FAM184B: variants seen among roughly 807,000 people sequenced by gnomAD.
FAM184B encodes protein FAM184B.
FAM184B carries 111 observed loss-of-function variants against 135.9 expected under a neutral mutation model. The observed-to-expected ratio is 0.82, with a 90% CI of 0.70 to 0.96. FAM184B has a LOEUF of 0.96. Among genes scored for constraint, FAM184B ranks in the 40% least tolerant of loss-of-function variants. The probability of loss-of-function intolerance (pLI) is 0.00; values close to 1 mark genes in which losing one functional copy is unlikely to be tolerated. For missense variants in FAM184B, 1,375 were observed against 1,323.9 expected, an observed-to-expected ratio of 1.04 and a Z score of -0.60; for synonymous variants, 552 against 524.8, an observed-to-expected ratio of 1.05 and a Z score of -0.71.
chr4:17,751,714 G>GACCAACTTCTGAGAAGGAATATTGCT (rs1419232586), intron 1 of FAM184B, among the ~76,000 whole-genome samples: 6 of 151,762 alleles, frequency 4.0e-5, no homozygotes, highest in Non-Finnish European at 7.4e-5. Flanking sequence ...CAGTCATAAG[G>GACCAACTTCTGAGAAGGAATATTGCT]ACCAACTTCT....
intron 13 of FAM184B, among the ~76,000 whole-genome samples, chr4:17,640,135 C>G (rs918066083): frequency 1.3e-5 from 2 of 151,570 alleles, no homozygotes; most frequent in Admixed American, 6.6e-5. Flanking sequence ...CCTGGCCACT[C>G]CCTGAATCTT....
chr4:17,653,010 G>A (rs1715668867), intron 10 of FAM184B, 27 bp from the exon 11 acceptor site: 5 of 1,550,518 alleles, frequency 3.2e-6, no homozygotes, highest in South Asian at 1.2e-5. Flanking sequence ...GAACAAGAAG[G>A]CATGAAAGTG....
At chr4:17,672,826 T>C (rs1716209607) in intron 7 of FAM184B, among the ~76,000 whole-genome samples, 1 of 152,206 alleles carries the variant, frequency 6.6e-6, no homozygotes, top group African/African-American at 2.4e-5. Flanking sequence ...ACAAAGATAT[T>C]GGTCTTTAGT....
chr4:17,662,514 T>G (rs1344740625), intron 8 of FAM184B, among the ~76,000 whole-genome samples: 3 of 152,074 alleles, frequency 2.0e-5, no homozygotes, highest in Non-Finnish European at 4.4e-5. Flanking sequence ...ATTTTTGTAT[T>G]TTTAGTAGCG....
intron 5 of FAM184B, among the ~76,000 whole-genome samples, chr4:17,703,555 T>G (rs920167055): frequency 4.6e-5 from 7 of 151,986 alleles, no homozygotes; most frequent in Non-Finnish European, 1.0e-4. Context: ...TTTCATTACA[T>G]GTTTGCACTA....
At chr4:17,768,483 C>T (rs575250323) in intron 1 of FAM184B, among the ~76,000 whole-genome samples, 5 of 152,330 alleles carry the variant, frequency 3.3e-5, no homozygotes, top group African/African-American at 7.2e-5. Flanking sequence ...CCATATTGGT[C>T]AGGCGCTGGT....
intron 7 of FAM184B, among the ~76,000 whole-genome samples, chr4:17,673,274 G>T (rs1716221361): frequency 6.6e-6 from 1 of 151,964 alleles, no homozygotes; most frequent in African/African-American, 2.4e-5. Flanking sequence ...ATAGATATTG[G>T]TATAGATGCA....
At chr4:17,709,931 A>G (rs7664736) in intron 1 of FAM184B, among the ~76,000 whole-genome samples, 108,647 of 152,116 alleles carry the variant, frequency 0.71, 39,776 homozygotes, top group Non-Finnish European at 0.8. Context: ...TCTGTAGTAC[A>G]GTGGGAATCC....
intron 5 of FAM184B, among the ~76,000 whole-genome samples, chr4:17,704,565 C>T (rs1717063426): frequency 1.3e-5 from 2 of 152,178 alleles, no homozygotes; most frequent in Admixed American, 1.3e-4. Context: ...TGTGGAATTG[C>T]CCTCTGTGGG....
At chr4:17,641,487 TTTTTTTTTTG>T (rs1715310158) in intron 13 of FAM184B, among the ~76,000 whole-genome samples, 2 of 53,590 alleles carry the variant, frequency 3.7e-5, no homozygotes, top group Non-Finnish European at 8.0e-5. Context: ...TTTTTTTTTT[TTTTTTTTTTG>T]AGACGGAGTC....
chr4:17,739,555 G>GTTTTTGTTTTTTTTTTTTTTTTTTTTTTT (rs1553841421), intron 1 of FAM184B, among the ~76,000 whole-genome samples: 1 of 62,510 alleles, frequency 1.6e-5, no homozygotes, highest in African/African-American at 6.2e-5. Flanking sequence ...CATACCAACT[G>GTTTTTGTTTTTTTTTTTTTTTTTTTTTTT]TTTTTTTTTT....
chr4:17,676,083 T>C (rs1162781625), intron 7 of FAM184B, among the ~76,000 whole-genome samples: 1 of 152,246 alleles, frequency 6.6e-6, no homozygotes, highest in Non-Finnish European at 1.5e-5. Context: ...CTTAGGCCTG[T>C]CTCAAAGTTT....
chr4:17,658,685 T>A, intron 9 of FAM184B, 123 bp from the exon 10 acceptor site: 1 of 938,586 alleles, frequency 1.1e-6, no homozygotes, highest in Non-Finnish European at 1.6e-6. Flanking sequence ...GTAGAGACTC[T>A]GAAGGGATGG....
intron 1 of FAM184B, among the ~76,000 whole-genome samples, chr4:17,712,071 T>C (rs1052120807): frequency 6.6e-6 from 1 of 152,242 alleles, no homozygotes; most frequent in Non-Finnish European, 1.5e-5. Flanking sequence ...TATGAGATTT[T>C]CCTCAGTCAG....
At chr4:17,689,060 T>C (rs887144774) in intron 6 of FAM184B, among the ~76,000 whole-genome samples, 1 of 152,162 alleles carries the variant, frequency 6.6e-6, no homozygotes, top group African/African-American at 2.4e-5. Context: ...AGTAGGTTTA[T>C]AGTATTCCAC....
chr4:17,780,425 G>C (rs1719011731), intron 1 of FAM184B, among the ~76,000 whole-genome samples: 1 of 152,168 alleles, frequency 6.6e-6, no homozygotes, highest in Admixed American at 6.5e-5. Flanking sequence ...GCACAGAGGG[G>C]AGTCTGTGAC....
At chr4:17,764,625 C>T (rs1049365492) in intron 1 of FAM184B, among the ~76,000 whole-genome samples, 3 of 152,116 alleles carry the variant, frequency 2.0e-5, no homozygotes, top group Admixed American at 2.0e-4. Context: ...GCGAAAAGTC[C>T]AACTCATTTT....
intron 1 of FAM184B, among the ~76,000 whole-genome samples, chr4:17,740,017 G>A (rs1254016293): frequency 1.3e-5 from 2 of 151,884 alleles, no homozygotes; most frequent in Non-Finnish European, 2.9e-5. Flanking sequence ...TGCATCTTCC[G>A]CACCTTGCAT....
Position 17,688,463 on chromosome 4 carries a change from C to T in FAM184B, c.1557G>A (p.Gln519=), listed in dbSNP as rs1041509566. The change falls in exon 7 of 18, where the codon CAG becomes CAA. Residue 519 remains glutamine (Q), a synonymous_variant. Transcript: ENST00000265018. ...TGCTGCAGTGCTGGCGGCCTAATTC[C>T]TGGGGACTTTCCTCAGCTCCTGTGG... The part of the protein sequence containing the change: ...TRPTGAEESP[Q]ELGRQHCSIL... The T allele has an allele frequency of 1.2e-5, 19 of 1,551,042 alleles. No homozygotes were observed. In the East Asian group the frequency reaches 3.2e-4, roughly 26 times the overall value.
Sources: gnomAD v4.1 joint callset for allele counts (sites outside exome capture counted in the v4.1 genomes callset) on GRCh38, gnomAD v4.1.1 for gene constraint, MANE v1.5 for transcripts, NCBI Gene and HGNC (gene_info 2026-07-23, HGNC 2026-07-21) for gene names.